KLRF1: variants seen among roughly 807,000 people sequenced by gnomAD.
KLRF1 encodes the protein killer cell lectin-like receptor subfamily F member 1.
Under a neutral mutation model 30.7 loss-of-function variants are expected in KLRF1, and 27 were observed. The ratio of observed to expected loss-of-function variants is 0.88; its 90% CI spans 0.65 to 1.21. The LOEUF is 1.21. KLRF1 is among the 50% of genes most tolerant of loss of function. The pLI is 0.00. For synonymous variants in KLRF1, 92 were observed against 89.3 expected (o/e 1.03, Z -0.17); for missense variants, 246 against 259.3 (o/e 0.95, Z 0.35).
upstream of KLRF1, among the ~76,000 whole-genome samples, chr12:9,822,906 C>T (rs906208141): frequency 1.3e-5 from 2 of 152,060 alleles, no homozygotes; most frequent in Admixed American, 6.5e-5. Context: ...TTCAATTCAG[C>T]GAGAAGACTT....
the KLRF1 span, among the ~76,000 whole-genome samples, chr12:9,810,418 A>G: frequency 6.6e-6 from 1 of 151,656 alleles, no homozygotes; most frequent in African/African-American, 2.4e-5. Flanking sequence ...CCTCTCCAAG[A>G]TAGGTCTGAT....
chr12:9,840,444 T>A (rs1867675762), intron 3 of KLRF1, among the ~76,000 whole-genome samples: 2 of 152,068 alleles, frequency 1.3e-5, no homozygotes, highest in Admixed American at 6.6e-5. Context: ...ACATATATTT[T>A]TATATATATC....
chr12:9,841,803 T>C lies in KLRF1; in HGVS notation c.335-9T>C. On this transcript the variant is annotated splice_polypyrimidine_tract_variant and intron_variant, in intron 3 of 5. Coordinates refer to ENST00000617889, the MANE Select transcript of KLRF1 (RefSeq NM_016523.3). ...TTAATTTCATTTTGTTTTCTACATT[T>C]CTCTGTAGTACTATGCCAATCAGAA... 6.3e-7 allele frequency: 1 copy of C among 1,584,654 alleles called. No homozygotes were observed. The highest frequency in any genetic ancestry group is 1.2e-5 in the South Asian group (1 of 86,256).
chr12:9,837,441 A>G (rs1200535109), intron 3 of KLRF1, among the ~76,000 whole-genome samples: 3 of 151,998 alleles, frequency 2.0e-5, no homozygotes, highest in Non-Finnish European at 2.9e-5. Context: ...GATATGCACA[A>G]TGTTTGTGTG....
Position 9,844,529 on chromosome 12 carries a change from T to C in KLRF1, c.*3T>C. On this transcript the variant is annotated 3_prime_UTR_variant, in exon 6 of 6. Coordinates refer to ENST00000617889, the MANE Select transcript of KLRF1 (RefSeq NM_016523.3). ...TCAAATGGATTTGTCAGTATTAGAG[T>C]TTGACAAAATTCACAGTGAAATAAT... The C allele has an allele frequency of 1.4e-6, 2 of 1,481,218 alleles. No individual in the cohort carries two copies. Among genetic ancestry groups the C allele is most frequent in the Non-Finnish European group, 1.9e-6 (2 of 1,064,676 alleles). The allele number at this position is 1,481,218 out of a possible 1,614,324, so 91.8% of individuals were successfully genotyped here. A position where few individuals can be genotyped will look rare whatever the true frequency, so the allele number is the denominator to read the frequency against.
chr12:9,824,208 T>C (rs1867256550), upstream of KLRF1, among the ~76,000 whole-genome samples: 1 of 152,002 alleles, frequency 6.6e-6, no homozygotes, highest in South Asian at 2.1e-4. Flanking sequence ...AAAACATAGA[T>C]GCAAAAATTC....
intron 1 of KLRF1, among the ~76,000 whole-genome samples, chr12:9,831,719 C>A (rs570554978): frequency 1.3e-5 from 2 of 152,080 alleles, no homozygotes; most frequent in East Asian, 1.9e-4. Context: ...ATTGAACAAG[C>A]ACTCTTATCT....
chr12:9,823,189 C>T (rs747519466), upstream of KLRF1, among the ~76,000 whole-genome samples: 7 of 148,800 alleles, frequency 4.7e-5, no homozygotes, highest in East Asian at 5.9e-4. Context: ...TAAAATTGAC[C>T]GCACAATTGA....
At chr12:9,831,532 G>T (rs775576655) in intron 1 of KLRF1, among the ~76,000 whole-genome samples, 7 of 152,066 alleles carry the variant, frequency 4.6e-5, no homozygotes, top group African/African-American at 1.7e-4. Flanking sequence ...TATTATGATA[G>T]ATTTACATAA....
At chr12:9,838,843 G>C (rs949136886) in intron 3 of KLRF1, among the ~76,000 whole-genome samples, 3 of 151,992 alleles carry the variant, frequency 2.0e-5, no homozygotes, top group Non-Finnish European at 4.4e-5. Context: ...AAATAGTTTG[G>C]GTACAGACTT....
At position 9,834,401 on chromosome 12, in the gene KLRF1, GA is replaced by G. The variant is rs774321580; in HGVS notation, c.334+958del. ...AATAGTATTGAAGTGTTGGGGCAGCGAAAAAAAAATTTGGGTGCGGGGGGTA... is the reference window on the plus strand; with the variant it reads ...AATAGTATTGAAGTGTTGGGGCAGCGAAAAAAAATTTGGGTGCGGGGGGTA... On this transcript the variant is annotated intron_variant, in intron 3 of 5. Transcript: ENST00000617889. Among the ~76,000 whole-genome samples the G allele has an allele frequency of 5.4e-3, 818 of 151,074 alleles. 3 individuals are homozygous for G. Among genetic ancestry groups the G allele is most frequent in the African/African-American group, 0.018 (757 of 41,170 alleles).
At chr12:9,832,243 T>C in intron 1 of KLRF1, 73 bp from the exon 2 acceptor site, 1 of 801,006 alleles carries the variant, frequency 1.2e-6, no homozygotes, top group Middle Eastern at 2.4e-4. Context: ...TACAATCCTA[T>C]TATTACAATT....
At chr12:9,817,608 G>T in the KLRF1 span, 1 of 301,924 alleles carries the variant, frequency 3.3e-6, no homozygotes, top group Non-Finnish European at 6.7e-6. Flanking sequence ...TTTCTTCTTT[G>T]AAGGTCCACG....
rs368239037 is a variant in KLRF1, at chr12:9,833,335, G to A, written c.217G>A (p.Gly73Arg). Residue 73 changes from glycine (G) to arginine (R), a missense_variant, in exon 3 of 6, where the codon GGA (glycine) becomes AGA (arginine). By Grantham distance (125) the Gly-to-Arg change is moderately radical. Transcript: ENST00000617889. ...GGGAGTATTGCTAAAATGCCAAAAAGGAAGTTGTTCAAATGCCACTCAGTA... is the reference window on the plus strand; with the variant it reads ...GGGAGTATTGCTAAAATGCCAAAAAAGAAGTTGTTCAAATGCCACTCAGTA... ...SQGVLLKCQK[G>R]SCSNATQYED... 2.0e-5 allele frequency: 32 copies of A among 1,604,386 alleles called. No individual in the cohort carries two copies. Among genetic ancestry groups the A allele is most frequent in the South Asian group, 4.5e-5 (4 of 89,150 alleles).
chr12:9,831,679 C>T (rs1230619292), intron 1 of KLRF1, among the ~76,000 whole-genome samples: 1 of 152,118 alleles, frequency 6.6e-6, no homozygotes, highest in African/African-American at 2.4e-5. Context: ...TACTGTCTGT[C>T]CAATGATAGC....
At chr12:9,833,229 T>C in intron 2 of KLRF1, 74 bp from the exon 3 acceptor site, 1 of 1,006,550 alleles carries the variant, frequency 9.9e-7, no homozygotes, top group Non-Finnish European at 1.4e-6. Flanking sequence ...ATCGGAATCA[T>C]TCCATTGAAT....
chr12:9,844,345 G>T (rs1867765806), intron 5 of KLRF1, 73 bp from the exon 6 acceptor site: 2 of 758,956 alleles, frequency 2.6e-6, no homozygotes, highest in East Asian at 5.2e-5. Context: ...TTTAAAAGAG[G>T]ATATTAGCAG....
the KLRF1 span, chr12:9,817,489 AT>A: frequency 2.9e-5 from 12 of 420,268 alleles, no homozygotes; most frequent in South Asian, 1.0e-4. Context: ...TTCGCTTGAG[AT>A]TTTTTTCCAG....
chr12:9,841,832 C>T lies in KLRF1; in HGVS notation c.355C>T (p.Leu119Phe), dbSNP rs759503873. Residue 119 changes from leucine to phenylalanine, a missense_variant, in exon 4 of 6, where the codon CTC (leucine) becomes TTC (phenylalanine). Leu to Phe is a conservative substitution (Grantham distance 22). Transcript: ENST00000617889. Reference sequence around the variant, plus strand: ...TGTAGTACTATGCCAATCAGAATGGCTCAAATACCAAGGGAAGTGTTATTG... The same window carrying T: ...TGTAGTACTATGCCAATCAGAATGGTTCAAATACCAAGGGAAGTGTTATTG... ...DQTVLCQSEWLKYQGKCYWFS... is the reference protein window; with the variant it reads ...DQTVLCQSEWFKYQGKCYWFS... The T allele has an allele frequency of 6.2e-7, 1 of 1,607,500 alleles. No individual in the cohort carries two copies. The highest frequency in any genetic ancestry group is 1.1e-5 in the South Asian group (1 of 90,854).
Sources: gnomAD v4.1 joint callset for allele counts (sites outside exome capture counted in the v4.1 genomes callset) on GRCh38, gnomAD v4.1.1 for gene constraint, MANE v1.5 for transcripts, NCBI Gene and HGNC (gene_info 2026-07-23, HGNC 2026-07-21) for gene names.